ADGRL2: variants seen among roughly 807,000 people sequenced by gnomAD.
ADGRL2 encodes calcium-independent alpha-latrotoxin receptor 2.
Under a neutral mutation model 157.4 loss-of-function variants are expected in ADGRL2, and 44 were observed. The observed-to-expected ratio is 0.28, with a 90% confidence interval of 0.22 to 0.36. ADGRL2 has a LOEUF of 0.36. ADGRL2 is among the 10% of genes least tolerant of loss of function. The probability of loss-of-function intolerance (pLI) is 1.00; values close to 1 mark genes in which losing one functional copy is unlikely to be tolerated. For synonymous variants in ADGRL2, 585 were observed against 624.7 expected, an observed-to-expected ratio of 0.94 and a Z score of 0.95; for missense variants, 1,510 against 1,768.9, an observed-to-expected ratio of 0.85 and a Z score of 2.63.
chr1:81,550,032 T>A (rs779079593), intron 2 of ADGRL2, among the ~76,000 whole-genome samples: 1 of 152,204 alleles, frequency 6.6e-6, no homozygotes, highest in Non-Finnish European at 1.5e-5. Flanking sequence ...TTGCCATTGG[T>A]CTGAATTAGG....
intron 1 of ADGRL2, among the ~76,000 whole-genome samples, chr1:81,390,323 G>T (rs1474737366): frequency 6.6e-6 from 1 of 152,294 alleles, no homozygotes; most frequent in African/African-American, 2.4e-5. Flanking sequence ...TAAGACTGAT[G>T]TTCATTCTAC....
intron 2 of ADGRL2, among the ~76,000 whole-genome samples, chr1:81,494,843 C>T (rs540856595): frequency 6.6e-6 from 1 of 152,218 alleles, no homozygotes; most frequent in Non-Finnish European, 1.5e-5. Context: ...TCAGAGCTGA[C>T]ACATCCCAAA....
chr1:81,643,372 G>C (rs1056566789), intron 3 of ADGRL2, among the ~76,000 whole-genome samples: 3 of 152,116 alleles, frequency 2.0e-5, no homozygotes, highest in African/African-American at 4.8e-5. Flanking sequence ...GAGTGCAGTG[G>C]TACAGTCATG....
At chr1:81,747,307 A>AT (rs369526684) in intron 1 of ADGRL2, among the ~76,000 whole-genome samples, 55 of 143,552 alleles carry the variant, frequency 3.8e-4, no homozygotes, top group East Asian at 2.6e-3. Context: ...ATATATATAT[A>AT]TTTTTTTTTT....
chr1:81,989,156 T>TA (rs1172989918), intron 23 of ADGRL2, among the ~76,000 whole-genome samples: 3 of 152,176 alleles, frequency 2.0e-5, no homozygotes, highest in African/African-American at 7.2e-5. Context: ...TAGAGCATGT[T>TA]ACCATGTTTT....
chr1:81,586,855 A>G (rs1234950841), intron 3 of ADGRL2, among the ~76,000 whole-genome samples: 4 of 152,086 alleles, frequency 2.6e-5, no homozygotes, highest in African/African-American at 9.7e-5. Flanking sequence ...CACCAAGCTA[A>G]AAGTTTATTT....
intron 1 of ADGRL2, among the ~76,000 whole-genome samples, chr1:81,700,752 A>G (rs755553668): frequency 5.3e-5 from 8 of 152,220 alleles, no homozygotes; most frequent in Admixed American, 1.3e-4. Flanking sequence ...ACACCCAGCC[A>G]TTGTCAGCTG....
chr1:81,842,115 A>G (rs751482634), intron 2 of ADGRL2, among the ~76,000 whole-genome samples: 9 of 152,014 alleles, frequency 5.9e-5, no homozygotes, highest in Non-Finnish European at 1.2e-4. Context: ...TGCGTATTCT[A>G]TGTGCTTAGG....
chr1:81,669,487 A>AAGTG (rs35119346), intron 3 of ADGRL2, among the ~76,000 whole-genome samples: 8 of 151,666 alleles, frequency 5.3e-5, no homozygotes, highest in African/African-American at 1.9e-4. Flanking sequence ...AGTATTTATT[A>AAGTG]TTTACTGTGT....
chr1:81,756,595 G>C (rs2085698604), intron 1 of ADGRL2, among the ~76,000 whole-genome samples: 1 of 152,072 alleles, frequency 6.6e-6, no homozygotes, highest in Non-Finnish European at 1.5e-5. Context: ...GAAAAATACT[G>C]TTAAAATATA....
At chr1:81,822,233 A>G (rs112405457) in intron 1 of ADGRL2, among the ~76,000 whole-genome samples, 1 of 134,998 alleles carries the variant, frequency 7.4e-6, no homozygotes, top group Non-Finnish European at 1.5e-5. Flanking sequence ...TTTTCTACAC[A>G]TGTTTCCCGC....
intron 17 of ADGRL2, among the ~76,000 whole-genome samples, chr1:81,977,257 A>G (rs1327370333): frequency 6.6e-6 from 1 of 151,850 alleles, no homozygotes; most frequent in East Asian, 1.9e-4. Context: ...TGTATTGTGA[A>G]TGTATTGTAT....
At chr1:81,340,057 G>A (rs1661954599) in intron 1 of ADGRL2, among the ~76,000 whole-genome samples, 1 of 152,160 alleles carries the variant, frequency 6.6e-6, no homozygotes, top group African/African-American at 2.4e-5. Context: ...ATCACAGGAA[G>A]TGTGCTCAGA....
intron 3 of ADGRL2, among the ~76,000 whole-genome samples, chr1:81,677,853 A>G (rs973212767): frequency 2.6e-5 from 4 of 152,170 alleles, no homozygotes; most frequent in African/African-American, 9.7e-5. Context: ...ACAGAATTTA[A>G]TCTCCCTAAA....
At chr1:81,824,441 T>C (rs35082594) in intron 1 of ADGRL2, among the ~76,000 whole-genome samples, 1 of 151,642 alleles carries the variant, frequency 6.6e-6, no homozygotes, top group Non-Finnish European at 1.5e-5. Flanking sequence ...TGCCCAGCTA[T>C]TTTTTTTAAT....
chr1:81,365,713 T>C (rs1450585791), intron 1 of ADGRL2, among the ~76,000 whole-genome samples: 1 of 152,212 alleles, frequency 6.6e-6, no homozygotes, highest in Non-Finnish European at 1.5e-5. Flanking sequence ...AACTATATTT[T>C]ACTGCCCTGA....
intron 1 of ADGRL2, among the ~76,000 whole-genome samples, chr1:81,314,017 T>C (rs532209892): frequency 6.6e-6 from 1 of 152,164 alleles, no homozygotes; most frequent in African/African-American, 2.4e-5. Flanking sequence ...TGTAATTACG[T>C]CGATAGTGAA....
chr1:81,740,782 G>A (rs72715762), intron 1 of ADGRL2, among the ~76,000 whole-genome samples: 14,145 of 152,134 alleles, frequency 0.093, 753 homozygotes, highest in South Asian at 0.14. Flanking sequence ...TGGCTGCTAT[G>A]AATAGAAATA....
chr1:81,792,206 C>T (rs954035600), intron 2 of ADGRL2, among the ~76,000 whole-genome samples: 4 of 152,218 alleles, frequency 2.6e-5, no homozygotes, highest in Admixed American at 6.5e-5. Flanking sequence ...TCAGTAAAAA[C>T]GCAAAATTAA....
Sources: gnomAD v4.1 joint callset for allele counts (sites outside exome capture counted in the v4.1 genomes callset) on GRCh38, gnomAD v4.1.1 for gene constraint, MANE v1.5 for transcripts, NCBI Gene and HGNC (gene_info 2026-07-23, HGNC 2026-07-21) for gene names.